Variants in DACH2 observed in about 807,000 individuals in gnomAD.
DACH2 encodes the protein dachshund family transcription factor 2.
In DACH2, 17 loss-of-function variants were observed where a neutral mutation model predicts 35.8. That is an observed-to-expected ratio of 0.48 (90% CI 0.33 to 0.71). The LOEUF (loss-of-function observed/expected upper bound fraction) is 0.71, where lower values mean the gene tolerates loss of function less well. Among genes scored for constraint, DACH2 ranks in the 30% least tolerant of loss-of-function variants. The probability of loss-of-function intolerance (pLI) is 0.02; values close to 1 mark genes in which losing one functional copy is unlikely to be tolerated. For missense variants in DACH2, 469 were observed against 472.7 expected (o/e 0.99, Z 0.07); for synonymous variants, 195 against 177.3 (o/e 1.10, Z -0.79).
intron 1 of DACH2, among the ~76,000 whole-genome samples, chrX:86,152,369 C>T (rs1197442897): frequency 9.0e-6 from 1 of 110,914 alleles, no homozygotes; most frequent in Non-Finnish European, 1.9e-5. Context: ...AAGGTATTGC[C>T]ACTAAGTGAC....
chrX:86,800,723 G>A (rs73512638), intron 7 of DACH2, among the ~76,000 whole-genome samples: 5,423 of 111,673 alleles, frequency 0.049, 356 homozygotes, highest in African/African-American at 0.17. Context: ...ATCCTGGAGT[G>A]CTGTGGTGTG....
intron 2 of DACH2, among the ~76,000 whole-genome samples, chrX:86,408,584 C>A (rs1196990779): frequency 8.9e-6 from 1 of 111,992 alleles, no homozygotes; most frequent in African/African-American, 3.2e-5. Flanking sequence ...ATAGTTGCTT[C>A]AATTGGAAAT....
At chrX:86,817,128 G>A (rs1021598932) in intron 11 of DACH2, among the ~76,000 whole-genome samples, 1 of 111,613 alleles carries the variant, frequency 9.0e-6, no homozygotes, top group Non-Finnish European at 1.9e-5. Flanking sequence ...TAGCTCTCAT[G>A]GATACTCTAG....
chrX:86,288,466 T>G (rs2034199641), intron 1 of DACH2, among the ~76,000 whole-genome samples: 1 of 112,058 alleles, frequency 8.9e-6, no homozygotes, highest in Non-Finnish European at 1.9e-5. Context: ...GTCCTTCCCT[T>G]CAGAGTGGTG....
rs140810707 is a variant in DACH2, at chrX:86,768,038, T to C, written c.1240+28156T>C. Among the ~76,000 whole-genome samples the C allele has an allele frequency of 1.9e-3, 217 of 111,594 alleles. 8 individuals are homozygous for C. The East Asian group carries it at 0.057, about 30-fold the overall frequency. ...CAGGAAAAGTCAGGAGATACAGCTA[T>C]AGAGAGTTAGTAAGATTCTAACTTG... On this transcript the variant is annotated intron_variant, in intron 7 of 11. Transcript: ENST00000373125.
Position 86,673,198 on chromosome X carries a change from G to A in DACH2, c.773-21823G>A, listed in dbSNP as rs184759482. ...AAAACACACAAAAAATTAGCCAGGT[G>A]TGGTGGTGGGCGTCTGTAGTCCCAG... On this transcript the variant is annotated intron_variant, in intron 4 of 11. Coordinates refer to ENST00000373125, the MANE Select transcript of DACH2 (RefSeq NM_053281.3). 2.7e-4 allele frequency among the ~76,000 whole-genome samples: 30 copies of A among 110,136 alleles called. No homozygotes were observed. The East Asian group carries it at 7.8e-3, about 28-fold the overall frequency.
At chrX:86,478,978 G>T (rs1004002823) in intron 2 of DACH2, among the ~76,000 whole-genome samples, 1 of 110,723 alleles carries the variant, frequency 9.0e-6, no homozygotes, top group Non-Finnish European at 1.9e-5. Flanking sequence ...ACGTGGGCTT[G>T]GAGAATGAGT....
intron 2 of DACH2, chrX:86,481,436 A>G (rs1441950447): frequency 8.9e-6 from 1 of 112,013 alleles, no homozygotes; most frequent in African/African-American, 3.2e-5. Flanking sequence ...ACATGCTTAT[A>G]AAAATTCCAT....
chrX:86,761,580 G>C (rs1219254045), intron 7 of DACH2, among the ~76,000 whole-genome samples: 3 of 111,640 alleles, frequency 2.7e-5, no homozygotes, highest in Non-Finnish European at 5.6e-5. Context: ...TCATTCAACT[G>C]TACAGACCCA....
intron 3 of DACH2, among the ~76,000 whole-genome samples, chrX:86,565,082 C>G (rs1200921778): frequency 9.0e-6 from 1 of 111,212 alleles, no homozygotes; most frequent in Admixed American, 9.6e-5. Context: ...AATTGAAATT[C>G]TCTGCATGAT....
chrX:86,297,043 G>GTATATATATA (rs35078642), intron 1 of DACH2, among the ~76,000 whole-genome samples: 282 of 89,897 alleles, frequency 3.1e-3, no homozygotes, highest in East Asian at 0.015. Context: ...ATATAATTGT[G>GTATATATATA]TATATATATA....
intron 1 of DACH2, among the ~76,000 whole-genome samples, chrX:86,365,299 G>T (rs2035791019): frequency 1.9e-5 from 2 of 105,383 alleles, no homozygotes; most frequent in Non-Finnish European, 3.9e-5. Flanking sequence ...TCTTTAATTT[G>T]ATTGAGATCA....
intron 1 of DACH2, chrX:86,160,735 C>T (rs1192868483): frequency 1.1e-5 from 5 of 459,444 alleles, no homozygotes; most frequent in African/African-American, 4.9e-5. Flanking sequence ...TCATTTCACT[C>T]GAAGCTTTAT....
At chrX:86,640,685 G>A (rs960901302) in intron 3 of DACH2, among the ~76,000 whole-genome samples, 1 of 111,056 alleles carries the variant, frequency 9.0e-6, no homozygotes, top group Admixed American at 9.6e-5. Context: ...CACTCAAGGG[G>A]GAGAGGAAGC....
intron 2 of DACH2, among the ~76,000 whole-genome samples, chrX:86,379,150 C>T (rs1271973205): frequency 1.8e-5 from 2 of 111,128 alleles, no homozygotes; most frequent in African/African-American, 6.5e-5. Context: ...TTTAAATTGG[C>T]TTGCCTTTAA....
intron 3 of DACH2, among the ~76,000 whole-genome samples, chrX:86,582,781 G>A (rs1021250319): frequency 1.8e-5 from 2 of 110,110 alleles, no homozygotes; most frequent in Admixed American, 9.8e-5. Flanking sequence ...TCTACCAGAT[G>A]TGTAAAGAAG....
chrX:86,501,600 C>T (rs1027690902), intron 2 of DACH2, among the ~76,000 whole-genome samples: 1 of 111,773 alleles, frequency 8.9e-6, no homozygotes, highest in Non-Finnish European at 1.9e-5. Context: ...ACTGTGTTAC[C>T]TTGCTGACCT....
intron 2 of DACH2, among the ~76,000 whole-genome samples, chrX:86,449,775 AT>A (rs2037336971): frequency 9.0e-6 from 1 of 111,503 alleles, no homozygotes; most frequent in Non-Finnish European, 1.9e-5. Context: ...AAGTTTCTAT[AT>A]TTTAATCCCT....
At chrX:86,720,159 G>A (rs1263175723) in intron 6 of DACH2, among the ~76,000 whole-genome samples, 1 of 108,319 alleles carries the variant, frequency 9.2e-6, no homozygotes, top group East Asian at 2.9e-4. Flanking sequence ...GGATTGTCTT[G>A]ATCTCCTGAC....
Sources: gnomAD v4.1 joint callset for allele counts (sites outside exome capture counted in the v4.1 genomes callset) on GRCh38, gnomAD v4.1.1 for gene constraint, MANE v1.5 for transcripts, NCBI Gene and HGNC (gene_info 2026-07-23, HGNC 2026-07-21) for gene names.